SEMA5A: variants seen among roughly 807,000 people sequenced by gnomAD.
The protein encoded by SEMA5A is semaphorin 5A, also known as semaphorin-5A.
In SEMA5A, 55 loss-of-function variants were observed where a neutral mutation model predicts 135.5. The ratio of observed to expected loss-of-function variants is 0.41; its 90% CI spans 0.33 to 0.51. The LOEUF is 0.51. SEMA5A is among the 20% of genes least tolerant of loss of function. The pLI, the probability that SEMA5A is intolerant of heterozygous loss-of-function variation, is 0.37. For missense variants in SEMA5A, 1,290 were observed against 1,419.9 expected (o/e 0.91, Z 1.47); for synonymous variants, 580 against 546.5 (o/e 1.06, Z -0.85).
intron 11 of SEMA5A, among the ~76,000 whole-genome samples, chr5:9,188,609 T>C (rs1022751925): frequency 6.6e-6 from 1 of 152,094 alleles, no homozygotes; most frequent in Admixed American, 6.5e-5. Context: ...CTCCTAGAAT[T>C]GGAAGAAGAT....
intron 21 of SEMA5A, among the ~76,000 whole-genome samples, chr5:9,050,089 T>A (rs1736482753): frequency 6.6e-6 from 1 of 152,180 alleles, no homozygotes; most frequent in South Asian, 2.1e-4. Context: ...GCAAGGCTAA[T>A]TGAACCACCA....
chr5:9,047,099 C>A (rs926124795), intron 21 of SEMA5A, among the ~76,000 whole-genome samples: 4 of 152,170 alleles, frequency 2.6e-5, no homozygotes, highest in Non-Finnish European at 4.4e-5. Flanking sequence ...GTAACAATGA[C>A]GCTATACTTA....
intron 15 of SEMA5A, among the ~76,000 whole-genome samples, chr5:9,116,315 C>T (rs1740510882): frequency 6.6e-6 from 1 of 152,194 alleles, no homozygotes; most frequent in Non-Finnish European, 1.5e-5. Flanking sequence ...CAGATAATAA[C>T]ATTTGCATCT....
intron 5 of SEMA5A, among the ~76,000 whole-genome samples, chr5:9,253,103 C>T (rs1044304517): frequency 1.3e-5 from 2 of 152,128 alleles, no homozygotes; most frequent in African/African-American, 2.4e-5. Flanking sequence ...ATCACACAGG[C>T]AATGGGTAAG....
At chr5:9,157,851 T>C (rs928645864) in intron 11 of SEMA5A, among the ~76,000 whole-genome samples, 16 of 152,210 alleles carry the variant, frequency 1.1e-4, no homozygotes, top group Non-Finnish European at 1.3e-4. Context: ...AAAAACCCCA[T>C]AGATTTCTAT....
At chr5:9,232,698 G>C (rs1350419113) in intron 6 of SEMA5A, among the ~76,000 whole-genome samples, 2 of 151,812 alleles carry the variant, frequency 1.3e-5, no homozygotes, top group Non-Finnish European at 2.9e-5. Context: ...ATTTTCAACT[G>C]AGCTGACTTC....
intron 9 of SEMA5A, among the ~76,000 whole-genome samples, chr5:9,201,015 C>T (rs1197783775): frequency 6.6e-6 from 1 of 152,170 alleles, no homozygotes; most frequent in Non-Finnish European, 1.5e-5. Flanking sequence ...ATCAGCACTT[C>T]CAACCCATCC....
In SEMA5A at chr5:9,317,367, T is replaced by G. The variant is rs928335513; in HGVS notation, c.270+1005A>C. On this transcript the variant is annotated intron_variant, in intron 5 of 22. Transcript: ENST00000382496. ...TGCTAGTATGGAGTTGGCAGTGATT[T>G]GTGACCATTTCACAGATGAGGAACC... 4.6e-5 allele frequency among the ~76,000 whole-genome samples: 7 copies of G among 152,304 alleles called. No homozygotes were observed. The East Asian group carries it at 5.8e-4, about 13-fold the overall frequency.
chr5:9,151,569 T>TA (rs1011431217), intron 12 of SEMA5A, among the ~76,000 whole-genome samples: 3 of 152,186 alleles, frequency 2.0e-5, no homozygotes, highest in African/African-American at 7.2e-5. Flanking sequence ...TATTTTTTTT[T>TA]AAAGATTCTT....
At chr5:9,276,315 C>T (rs1010867021) in intron 5 of SEMA5A, among the ~76,000 whole-genome samples, 1 of 152,134 alleles carries the variant, frequency 6.6e-6, no homozygotes, top group African/African-American at 2.4e-5. Flanking sequence ...AGAGAGGACA[C>T]AAACAAATGG....
intron 1 of SEMA5A, among the ~76,000 whole-genome samples, chr5:9,540,161 C>A (rs142683392): frequency 9.1e-4 from 138 of 152,300 alleles, no homozygotes; most frequent in Non-Finnish European, 7.3e-4. Context: ...GAGCCTCCTG[C>A]GTGCCAGGCA....
intron 11 of SEMA5A, among the ~76,000 whole-genome samples, chr5:9,186,193 G>A (rs965252485): frequency 1.3e-5 from 2 of 152,140 alleles, no homozygotes; most frequent in African/African-American, 4.8e-5. Context: ...CTGGCCCTGG[G>A]TGGATGGACA....
At chr5:9,291,269 T>C (rs1484264031) in intron 5 of SEMA5A, among the ~76,000 whole-genome samples, 1 of 152,150 alleles carries the variant, frequency 6.6e-6, no homozygotes, top group Non-Finnish European at 1.5e-5. Context: ...ACTTCGCGGA[T>C]GGTCCCAGCA....
chr5:9,505,301 C>A (rs1735816956), intron 1 of SEMA5A, among the ~76,000 whole-genome samples: 1 of 152,122 alleles, frequency 6.6e-6, no homozygotes, highest in Non-Finnish European at 1.5e-5. Context: ...CAGTAGAGAG[C>A]TCATTTGGGC....
At chr5:9,377,960 G>A (rs1755436722) in intron 3 of SEMA5A, among the ~76,000 whole-genome samples, 1 of 152,112 alleles carries the variant, frequency 6.6e-6, no homozygotes, top group Non-Finnish European at 1.5e-5. Flanking sequence ...GACTTGGATG[G>A]AGTCAGAAGA....
At chr5:9,463,153 G>A (rs966798590) in intron 1 of SEMA5A, among the ~76,000 whole-genome samples, 6 of 152,152 alleles carry the variant, frequency 3.9e-5, no homozygotes, top group Admixed American at 2.6e-4. Context: ...TTTATGTTGA[G>A]CAAGAAAGTC....
intron 12 of SEMA5A, among the ~76,000 whole-genome samples, chr5:9,144,988 A>C (rs1354441352): frequency 6.6e-6 from 1 of 152,106 alleles, no homozygotes; most frequent in African/African-American, 2.4e-5. Flanking sequence ...TGGGCAAAGA[A>C]GGCAAACCAC....
At chr5:9,161,734 A>G (rs1222734885) in intron 11 of SEMA5A, among the ~76,000 whole-genome samples, 1 of 152,216 alleles carries the variant, frequency 6.6e-6, no homozygotes, top group Non-Finnish European at 1.5e-5. Context: ...GTCCAAACCC[A>G]CAACATCATG....
At chr5:9,275,753 T>C (rs185925907) in intron 5 of SEMA5A, among the ~76,000 whole-genome samples, 2 of 152,328 alleles carry the variant, frequency 1.3e-5, no homozygotes, top group African/African-American at 4.8e-5. Flanking sequence ...TCTCAATAGA[T>C]ACAGAAAAGG....
Sources: allele counts gnomAD v4.1 joint callset (sites outside exome capture counted in the v4.1 genomes callset), GRCh38; gene constraint gnomAD v4.1.1; transcripts MANE v1.5; gene names NCBI Gene and HGNC (gene_info 2026-07-23, HGNC 2026-07-21).